ZC2HC1A: variants seen among roughly 807,000 people sequenced by gnomAD.
ZC2HC1A encodes zinc finger C2HC-type containing 1A, also known as zinc finger C2HC domain-containing protein 1A.
Under a neutral mutation model 40.7 loss-of-function variants are expected in ZC2HC1A, and 28 were observed. That is an observed-to-expected ratio of 0.69 (90% CI 0.51 to 0.94). The LOEUF (loss-of-function observed/expected upper bound fraction) is 0.94, where lower values mean the gene tolerates loss of function less well. Among genes scored for constraint, ZC2HC1A ranks in the 40% least tolerant of loss-of-function variants. The pLI is 0.00. For synonymous variants in ZC2HC1A, 129 were observed against 129.2 expected (o/e 1.00, Z 0.01); for missense variants, 389 against 386.3 (o/e 1.01, Z -0.06).
At chr8:78,668,886 T>C (rs1472753142) in intron 1 of ZC2HC1A, among the ~76,000 whole-genome samples, 1 of 137,004 alleles carries the variant, frequency 7.3e-6, no homozygotes, top group Non-Finnish European at 1.7e-5. Context: ...TTTATCCTTA[T>C]ATACAGTATT....
chr8:78,666,467 C>A (rs1809301177), intron 1 of ZC2HC1A, among the ~76,000 whole-genome samples: 1 of 152,230 alleles, frequency 6.6e-6, no homozygotes, highest in Non-Finnish European at 1.5e-5. Context: ...TGCTTGACTC[C>A]TGAGTGCCCT....
chr8:78,677,101 G>A (rs956711268), intron 2 of ZC2HC1A, among the ~76,000 whole-genome samples: 7 of 152,046 alleles, frequency 4.6e-5, no homozygotes. Flanking sequence ...AGCCTAAGAG[G>A]CTGCAAGACA....
At chr8:78,703,518 CCATTATGTAATACCCTTCTTT>C (rs1437073113) in intron 7 of ZC2HC1A, among the ~76,000 whole-genome samples, 1 of 147,320 alleles carries the variant, frequency 6.8e-6, no homozygotes, top group Non-Finnish European at 1.5e-5. Flanking sequence ...GAACCCTTTA[CCATTATGTAATACCCTTCTTT>C]TTTTTTTTTT....
intron 1 of ZC2HC1A, among the ~76,000 whole-genome samples, chr8:78,671,326 T>C (rs1809432620): frequency 6.6e-6 from 1 of 152,224 alleles, no homozygotes; most frequent in South Asian, 2.1e-4. Context: ...AGAGATTGGC[T>C]TCTTAAAAGT....
rs760921799 is a variant in ZC2HC1A, at chr8:78,697,438, C to T, written c.536C>T (p.Ser179Phe). ...CCACCCGCACTTAAAAAGTCAAATT[C>T]TCCTGGAACTGCATCATCAGGATCT... ...YKPPALKKSN[S>F]PGTASSGSSR... The change falls in exon 6 of 9, where the codon TCT becomes TTT. Residue 179 changes from serine to phenylalanine, a missense_variant. Coordinates refer to ENST00000263849, the MANE Select transcript of ZC2HC1A (RefSeq NM_016010.3). The T allele has an allele frequency of 6.2e-7, 1 of 1,606,258 alleles. No individual in the cohort carries two copies. Among genetic ancestry groups the T allele is most frequent in the Admixed American group, 1.7e-5 (1 of 57,568 alleles).
intron 5 of ZC2HC1A, among the ~76,000 whole-genome samples, chr8:78,695,118 TAAAC>T (rs1268267280): frequency 6.6e-6 from 1 of 152,202 alleles, no homozygotes; most frequent in East Asian, 1.9e-4. Context: ...AATAATGTTT[TAAAC>T]AAGCAGTTTT....
At chr8:78,669,522 G>T (rs1809383827) in intron 1 of ZC2HC1A, among the ~76,000 whole-genome samples, 1 of 143,232 alleles carries the variant, frequency 7.0e-6, no homozygotes, top group Admixed American at 6.7e-5. Flanking sequence ...TTGAAGCCAA[G>T]AGAGAAAGGA....
At chr8:78,709,775 G>C (rs1198910569) in intron 7 of ZC2HC1A, among the ~76,000 whole-genome samples, 1 of 151,902 alleles carries the variant, frequency 6.6e-6, no homozygotes, top group African/African-American at 2.4e-5. Context: ...ATTTGTATAG[G>C]GCCCCATTCA....
intron 5 of ZC2HC1A, among the ~76,000 whole-genome samples, chr8:78,693,170 T>C (rs1332367236): frequency 6.6e-6 from 1 of 152,186 alleles, no homozygotes; most frequent in Non-Finnish European, 1.5e-5. Context: ...TTTGCTATTG[T>C]GAATAGTGCC....
chr8:78,678,748 G>A, intron 3 of ZC2HC1A, 69 bp downstream of exon 3: 1 of 1,040,412 alleles, frequency 9.6e-7, no homozygotes, highest in Non-Finnish European at 1.4e-6. Context: ...TATATTATCT[G>A]TTACAGTAAG....
chr8:78,697,493 C>A lies in ZC2HC1A; in HGVS notation c.591C>A (p.Gly197=). Residue 197 remains glycine, a synonymous_variant, in exon 6 of 9, where the codon GGC becomes GGA. Transcript: ENST00000263849. ...GATTACCGCAGCCAAGTGGCGCTGG[C>A]AAAACTGTTGTAGGTAATGATAGCC... The part of the protein sequence containing the change: ...SSRLPQPSGA[G]KTVVGVPSGK... 2 of 1,607,192 alleles carry A rather than the reference C, an allele frequency of 1.2e-6. No homozygotes were observed. Among genetic ancestry groups the A allele is most frequent in the Non-Finnish European group, 1.7e-6 (2 of 1,178,334 alleles).
intron 3 of ZC2HC1A, among the ~76,000 whole-genome samples, chr8:78,682,978 C>T (rs1809836877): frequency 6.6e-6 from 1 of 152,208 alleles, no homozygotes; most frequent in Non-Finnish European, 1.5e-5. Flanking sequence ...AGCTCTGAAA[C>T]GATCTCCTTT....
chr8:78,668,352 G>A (rs1188855790), intron 1 of ZC2HC1A, among the ~76,000 whole-genome samples: 1 of 152,098 alleles, frequency 6.6e-6, no homozygotes, highest in Non-Finnish European at 1.5e-5. Flanking sequence ...TTATATTGCA[G>A]TATCCAGTAA....
chr8:78,714,550 A>G (rs1586033664), intron 7 of ZC2HC1A, among the ~76,000 whole-genome samples: 1 of 152,164 alleles, frequency 6.6e-6, no homozygotes. Context: ...ATCTAAATTC[A>G]TTTGAATTCC....
rs1810655685 is a variant in ZC2HC1A, at chr8:78,702,985, C to T, written c.704+4472C>T. On this transcript the variant is annotated intron_variant, in intron 7 of 8. Transcript: ENST00000263849. Reference sequence around the variant, plus strand: ...GATCTTGGCTCGCTGCAACCTCTGCCTCCTGGGTTCAAGCGATTCTCCTGC... The same window carrying T: ...GATCTTGGCTCGCTGCAACCTCTGCTTCCTGGGTTCAAGCGATTCTCCTGC... 2.6e-5 allele frequency among the ~76,000 whole-genome samples: 4 copies of T among 152,092 alleles called. No individual in the cohort carries two copies. In the South Asian group the frequency reaches 8.3e-4, roughly 32 times the overall value.
In ZC2HC1A at chr8:78,717,449, G is replaced by A; in HGVS notation, c.934G>A (p.Ala312Thr). 6.2e-7 allele frequency: 1 copy of A among 1,601,290 alleles called. No homozygotes were observed. Among genetic ancestry groups the A allele is most frequent in the South Asian group, 1.1e-5 (1 of 87,756 alleles). ...TGGGACTAAATACCCTGTAGAATGG[G>A]CCAAATTTTGCTGTGAATGTGGCAT... ...ECGTKYPVEWAKFCCECGIRR... is the reference protein window; with the variant it reads ...ECGTKYPVEWTKFCCECGIRR... The change falls in exon 9 of 9, where the codon GCC becomes ACC. Residue 312 changes from alanine (A) to threonine (T), a missense_variant. Coordinates refer to ENST00000263849, the MANE Select transcript of ZC2HC1A (RefSeq NM_016010.3).
chr8:78,673,622 A>G (rs1385591772), intron 1 of ZC2HC1A, among the ~76,000 whole-genome samples: 2 of 152,082 alleles, frequency 1.3e-5, no homozygotes, highest in African/African-American at 4.8e-5. Context: ...CTGGCGTGAG[A>G]TGGTATTCTG....
Position 78,719,006 on chromosome 8 carries a change from T to TA in ZC2HC1A, c.*1514dup, listed in dbSNP as rs34380967. 6.6e-6 allele frequency: 1 copy of TA among 151,832 alleles called. No individual in the cohort carries two copies. Among genetic ancestry groups the TA allele is most frequent in the Admixed American group, 6.6e-5 (1 of 15,250 alleles). 9.4% of individuals were successfully genotyped at this position (151,832 alleles called of 1,614,324 possible). A position where few individuals can be genotyped will look rare whatever the true frequency, so the allele number is the denominator to read the frequency against. ...ACTTAATAGGAATTGTCATTTTACT[T>TA]ACAGTTTATTTCCTGATTAGTTGTT... On this transcript the variant is annotated 3_prime_UTR_variant, in exon 9 of 9. Coordinates refer to ENST00000263849, the MANE Select transcript of ZC2HC1A (RefSeq NM_016010.3).
chr8:78,712,990 G>A (rs1169710503), intron 7 of ZC2HC1A, among the ~76,000 whole-genome samples: 4 of 152,150 alleles, frequency 2.6e-5, no homozygotes, highest in Non-Finnish European at 5.9e-5. Context: ...TTTAAGTAGT[G>A]ATAAATCCTA....
Sources: allele counts gnomAD v4.1 joint callset (sites outside exome capture counted in the v4.1 genomes callset), GRCh38; gene constraint gnomAD v4.1.1; transcripts MANE v1.5; gene names NCBI Gene and HGNC (gene_info 2026-07-23, HGNC 2026-07-21).